Variants in DENND5A observed in about 807,000 individuals in gnomAD.
DENND5A encodes DENN domain containing 5A.
In DENND5A, 64 loss-of-function variants were observed where a neutral mutation model predicts 140.3. The ratio of observed to expected loss-of-function variants is 0.46; its 90% CI spans 0.37 to 0.56. DENND5A has a LOEUF of 0.56. Among genes scored for constraint, DENND5A ranks in the 20% least tolerant of loss-of-function variants. The pLI is 0.00. For missense variants in DENND5A, 1,292 were observed against 1,593.8 expected (o/e 0.81, Z 3.22); for synonymous variants, 605 against 607.7 (o/e 1.00, Z 0.07).
chr11:9,215,149 C>G (rs977743760), intron 1 of DENND5A, among the ~76,000 whole-genome samples: 2 of 152,180 alleles, frequency 1.3e-5, no homozygotes, highest in African/African-American at 2.4e-5. Context: ...TTTGTTCACT[C>G]TCTTTCTCAA....
chr11:9,204,107 G>T lies in DENND5A; in HGVS notation c.502C>A (p.Pro168Thr), dbSNP rs780254804. The T allele has an allele frequency of 1.2e-6, 2 of 1,614,130 alleles. No individual in the cohort carries two copies. The highest frequency in any genetic ancestry group is 1.1e-5 in the South Asian group (1 of 91,080). Residue 168 changes from proline to threonine, a missense_variant, in exon 4 of 23, where the codon CCT becomes ACT. Physicochemically the swap from Pro to Thr is conservative, Grantham distance 38 (BLOSUM62 -1). This residue lies in a region of DENND5A where 566 missense variants were observed against 650.4 expected (regional missense o/e 0.87). Transcript: ENST00000328194. ...CTGCTCTGGTCTCTGTCATCAGCAG[G>T]GGGAGCATGTAGGACATCATACTCA... Reference protein sequence around the residue: ...NAEYDVLHAPPADDRDQSSME... With the variant: ...NAEYDVLHAPTADDRDQSSME...
chr11:9,243,703 T>C (rs950535985), intron 1 of DENND5A, among the ~76,000 whole-genome samples: 5 of 152,110 alleles, frequency 3.3e-5, no homozygotes, highest in Non-Finnish European at 7.3e-5. Flanking sequence ...CTGGCCAATA[T>C]GGTGAAACCC....
chr11:9,212,612 C>G (rs751513225), intron 1 of DENND5A, among the ~76,000 whole-genome samples: 8 of 151,302 alleles, frequency 5.3e-5, no homozygotes, highest in African/African-American at 2.0e-4. Context: ...GGCTAGAAAA[C>G]ATGGAACAAC....
At chr11:9,193,052 C>T (rs758092074) in intron 5 of DENND5A, among the ~76,000 whole-genome samples, 4 of 151,912 alleles carry the variant, frequency 2.6e-5, no homozygotes, top group Non-Finnish European at 5.9e-5. Flanking sequence ...TGGTGAGACC[C>T]TGCATCTACA....
chr11:9,189,440 C>A (rs952878093), intron 5 of DENND5A, among the ~76,000 whole-genome samples: 1 of 152,144 alleles, frequency 6.6e-6, no homozygotes, highest in Non-Finnish European at 1.5e-5. Flanking sequence ...AGCCATCATC[C>A]TTCAGACCCC....
intron 4 of DENND5A, among the ~76,000 whole-genome samples, chr11:9,198,203 T>C (rs1849397225): frequency 6.6e-6 from 1 of 151,990 alleles, no homozygotes; most frequent in Admixed American, 6.6e-5. Context: ...GTAATTGAAT[T>C]AGGCATATCA....
Position 9,139,305 on chromosome 11 carries a change from G to A in DENND5A, c.*366C>T. 5.0e-6 allele frequency: 1 copy of A among 200,262 alleles called. No homozygotes were observed. The highest frequency in any genetic ancestry group is 5.4e-5 in the Admixed American group (1 of 18,536). 12.4% of individuals were successfully genotyped at this position (200,262 alleles called of 1,614,324 possible). ...ACATTAGTTTAAAAATGATGTGGAAGGGCCTCATTAATGCGACGGGGCAAG... is the reference window on the plus strand; with the variant it reads ...ACATTAGTTTAAAAATGATGTGGAAAGGCCTCATTAATGCGACGGGGCAAG... On this transcript the variant is annotated 3_prime_UTR_variant, in exon 23 of 23. Coordinates refer to ENST00000328194, the MANE Select transcript of DENND5A (RefSeq NM_015213.4).
At chr11:9,249,426 C>T (rs887629841) in intron 1 of DENND5A, among the ~76,000 whole-genome samples, 1 of 152,156 alleles carries the variant, frequency 6.6e-6, no homozygotes, top group Non-Finnish European at 1.5e-5. Context: ...AATGCAGTGG[C>T]TCAATCACAG....
rs1005211703 is a variant in DENND5A, at chr11:9,202,571, A to G, written c.949+1089T>C. Among the ~76,000 whole-genome samples, 48 of 152,208 alleles carry G rather than the reference A, an allele frequency of 3.2e-4. 1 individual carries two copies. Among genetic ancestry groups the G allele is most frequent in the African/African-American group, 1.1e-3 (47 of 41,460 alleles). On this transcript the variant is annotated intron_variant, in intron 4 of 22. Transcript: ENST00000328194. ...AGCTAGAAATTATTTTAAAATAAAA[A>G]GTAAAAAAAATTGAAAACTCTGATG...
intron 5 of DENND5A, among the ~76,000 whole-genome samples, chr11:9,184,109 T>C (rs7396336): frequency 0.059 from 9,016 of 151,960 alleles, 371 homozygotes; most frequent in South Asian, 0.11. Flanking sequence ...TCCCAGCACT[T>C]TGGGAGGCCG....
chr11:9,161,560 A>T (rs1295798369), intron 11 of DENND5A, among the ~76,000 whole-genome samples: 1 of 152,234 alleles, frequency 6.6e-6, no homozygotes, highest in Non-Finnish European at 1.5e-5. Context: ...ACTTAGAAAC[A>T]TATCTGAAAT....
intron 3 of DENND5A, among the ~76,000 whole-genome samples, chr11:9,205,876 G>A (rs984598044): frequency 9.9e-5 from 15 of 152,206 alleles, no homozygotes; most frequent in African/African-American, 3.6e-4. Context: ...CAACAGCCTG[G>A]GTGACAGAAT....
chr11:9,140,109 A>G, intron 22 of DENND5A: 3 of 1,393,468 alleles, frequency 2.2e-6, no homozygotes, highest in Non-Finnish European at 2.9e-6. Flanking sequence ...CGCCCTGCCT[A>G]GTCAGCCCCA....
intron 14 of DENND5A, among the ~76,000 whole-genome samples, chr11:9,150,469 A>G (rs1298512434): frequency 2.0e-5 from 3 of 152,210 alleles, no homozygotes; most frequent in Non-Finnish European, 4.4e-5. Flanking sequence ...ATACTCTCCT[A>G]TGCTCCCTCA....
chr11:9,169,855 C>T lies in DENND5A; in HGVS notation c.2151+1G>A. On this transcript the variant is annotated splice_donor_variant, in intron 10 of 22. Transcript: ENST00000328194. LOFTEE classifies it high-confidence loss of function. ...TCCTTATCATTCTTAAGGTATCTTA[C>T]CTCCCTCTGGTCATTATCTAAACGC... The T allele has an allele frequency of 6.3e-7, 1 of 1,589,684 alleles. No homozygotes were observed. The highest frequency in any genetic ancestry group is 8.6e-7 in the Non-Finnish European group (1 of 1,157,892).
At chr11:9,169,747 G>T (rs1848309805) in intron 10 of DENND5A, 109 bp downstream of exon 10, 2 of 708,022 alleles carry the variant, frequency 2.8e-6, no homozygotes, top group Admixed American at 4.3e-5. Context: ...TTTATGGGGT[G>T]AGGTCATTGC....
chr11:9,145,399 A>C (rs748168963), intron 17 of DENND5A: 2 of 580,550 alleles, frequency 3.4e-6, no homozygotes, highest in Non-Finnish European at 6.1e-6. Context: ...AGTAGCTGAA[A>C]GAACTCCTGG....
At chr11:9,264,929 G>A (rs757233632) in intron 1 of DENND5A, 32 bp downstream of exon 1, 3 of 1,505,242 alleles carry the variant, frequency 2.0e-6, no homozygotes, top group South Asian at 1.2e-5. Context: ...CAGCGGGCGC[G>A]GGAAAGCGCC....
chr11:9,256,432 C>G (rs61877915), intron 1 of DENND5A, among the ~76,000 whole-genome samples: 1 of 152,000 alleles, frequency 6.6e-6, no homozygotes, highest in African/African-American at 2.4e-5. Flanking sequence ...TGCACTCCAG[C>G]CTGAGCAACA....
Sources: gnomAD v4.1 joint callset for allele counts (sites outside exome capture counted in the v4.1 genomes callset) on GRCh38, gnomAD v4.1.1 for gene constraint, gnomAD v4.1.1 regional missense constraint, MANE v1.5 for transcripts, NCBI Gene and HGNC (gene_info 2026-07-23, HGNC 2026-07-21) for gene names.